COL1A2: variants seen among roughly 807,000 people sequenced by gnomAD.
The protein encoded by COL1A2 is collagen type I alpha 2 chain.
COL1A2 carries 49 observed loss-of-function variants against 174.3 expected under a neutral mutation model. The observed-to-expected ratio is 0.28, with a 90% CI of 0.22 to 0.36. The LOEUF is 0.36. Among genes scored for constraint, COL1A2 ranks in the 10% least tolerant of loss-of-function variants. COL1A2 has a pLI of 1.00. For missense variants in COL1A2, 1,438 were observed against 1,822.7 expected, an observed-to-expected ratio of 0.79 and a Z score of 3.84; for synonymous variants, 655 against 606.6, an observed-to-expected ratio of 1.08 and a Z score of -1.17.
intron 4 of COL1A2, among the ~76,000 whole-genome samples, chr7:94,399,452 T>C (rs1010548736): frequency 3.3e-5 from 5 of 152,192 alleles, no homozygotes; most frequent in Admixed American, 6.5e-5. Context: ...AGCTTGGAAA[T>C]AATAGTGAAT....
At chr7:94,429,529 G>C in intron 51 of COL1A2, 99 bp downstream of exon 51, 3 of 1,293,686 alleles carry the variant, frequency 2.3e-6, no homozygotes, top group Non-Finnish European at 3.3e-6. Context: ...GGGGTTAAAA[G>C]AACAGAAGAA....
chr7:94,423,798 T>C (rs1346684263), intron 40 of COL1A2: 1 of 166,986 alleles, frequency 6.0e-6, no homozygotes, highest in Non-Finnish European at 1.3e-5. Flanking sequence ...TTTCACCATA[T>C]TGGTCAGGCT....
Position 94,420,442 on chromosome 7 carries a change from G to A in COL1A2, c.2185G>A (p.Ala729Thr). Residue 729 changes from alanine (A) to threonine (T), a missense_variant and splice_region_variant, in exon 36 of 52, where the codon GCT (alanine) becomes ACT (threonine). Physicochemically the swap from Ala to Thr is moderately conservative, Grantham distance 58. Coordinates refer to ENST00000297268, the MANE Select transcript of COL1A2 (RefSeq NM_000089.4). ...TGGCCCCAATGGATTTGCTGGTCCT[G>A]CTGTGAGTATCACATAATGAAGATT... ...PAGPNGFAGP[A>T]GAAGQPGAKG... 6.2e-7 allele frequency: 1 copy of A among 1,614,168 alleles called. No individual in the cohort carries two copies. The highest frequency in any genetic ancestry group is 1.1e-5 in the South Asian group (1 of 91,086).
At chr7:94,426,646 C>T in intron 46 of COL1A2, 116 bp downstream of exon 46, 1 of 847,398 alleles carries the variant, frequency 1.2e-6, no homozygotes, top group Non-Finnish European at 2.0e-6. Flanking sequence ...ATCCATTTCC[C>T]ATTCTCTGGC....
intron 28 of COL1A2, 67 bp downstream of exon 28, chr7:94,414,014 GT>G: frequency 6.9e-7 from 1 of 1,443,144 alleles, no homozygotes; most frequent in Non-Finnish European, 9.8e-7. Flanking sequence ...TCACCATACC[GT>G]ACCTCTCTTC....
chr7:94,413,863 C>G, intron 27 of COL1A2, 31 bp from the exon 28 acceptor site: 1 of 1,613,268 alleles, frequency 6.2e-7, no homozygotes, highest in Non-Finnish European at 8.5e-7. Context: ...ACATACGTTG[C>G]TATTTATGCT....
intron 51 of COL1A2, chr7:94,429,634 T>C (rs1421364732): frequency 9.0e-6 from 5 of 556,654 alleles, no homozygotes; most frequent in African/African-American, 7.5e-5. Context: ...TAAATTCAGA[T>C]GATAAATTCA....
At chr7:94,428,087 T>G (rs1792319782) in intron 49 of COL1A2, among the ~76,000 whole-genome samples, 1 of 152,178 alleles carries the variant, frequency 6.6e-6, no homozygotes, top group South Asian at 2.1e-4. Flanking sequence ...CTTTTCATAG[T>G]AATAAGTACC....
rs1562905085 is a variant in COL1A2 at position 94,420,260 on chromosome 7, G to A, written c.2107G>A (p.Gly703Ser). The change falls in exon 35 of 52, where the codon GGT becomes AGT. Residue 703 changes from glycine (G) to serine (S), a missense_variant. Transcript: ENST00000297268. Reference sequence around the variant, plus strand: ...CGAAGCTGGGGCTGCTGGTCCTGCTGGTCCTGCTGGTCCTCGGGGAAGCCC... The same window carrying A: ...CGAAGCTGGGGCTGCTGGTCCTGCTAGTCCTGCTGGTCCTCGGGGAAGCCC... ...RGEAGAAGPAGPAGPRGSPGE... is the reference protein window; with the variant it reads ...RGEAGAAGPASPAGPRGSPGE... 1 of 1,613,818 alleles carries A rather than the reference G, an allele frequency of 6.2e-7. No homozygotes were observed. Among genetic ancestry groups the A allele is most frequent in the Non-Finnish European group, 8.5e-7 (1 of 1,180,042 alleles).
chr7:94,410,752 G>GGGGTTGGGTGAAGTGTTTT (rs1169889517), intron 21 of COL1A2, 137 bp from the exon 22 acceptor site: 3 of 1,005,090 alleles, frequency 3.0e-6, no homozygotes, highest in Non-Finnish European at 4.6e-6. Flanking sequence ...AATTCCTCTA[G>GGGGTTGGGTGAAGTGTTTT]GGGTTGGGTG....
Position 94,427,727 on chromosome 7 carries a change from G to C in COL1A2, c.3368G>C (p.Arg1123Pro), listed in dbSNP as rs145541630. Residue 1123 changes from arginine to proline, a missense_variant, in exon 49 of 52, where the codon CGC becomes CCC. This residue lies in a region of COL1A2 where 290 missense variants were observed against 298.1 expected (regional missense o/e 0.97). Coordinates refer to ENST00000297268, the MANE Select transcript of COL1A2 (RefSeq NM_000089.4). ...DGDFYRADQP[R>P]SAPSLRPKDY... ...GACTTCTACAGGGCTGACCAGCCTC[G>C]CTCAGCACCTTCTCTCAGACCCAAG... 8 of 1,613,922 alleles carry C rather than the reference G, an allele frequency of 5.0e-6. No individual in the cohort carries two copies. Among genetic ancestry groups the C allele is most frequent in the Non-Finnish European group, 5.9e-6 (7 of 1,180,014 alleles).
intron 29 of COL1A2, 119 bp from the exon 30 acceptor site, chr7:94,415,107 C>A: frequency 1.2e-6 from 1 of 844,314 alleles, no homozygotes; most frequent in Non-Finnish European, 2.1e-6. Flanking sequence ...TGTACTTATG[C>A]ACTCATGTAG....
chr7:94,408,669 C>A (rs1791855003), intron 15 of COL1A2, 101 bp from the exon 16 acceptor site: 1 of 1,274,256 alleles, frequency 7.8e-7, no homozygotes, highest in Non-Finnish European at 1.1e-6. Context: ...CTAATATAAA[C>A]AGTGTCATGC....
chr7:94,429,410 G>A lies in COL1A2; in HGVS notation c.3934G>A (p.Val1312Ile), dbSNP rs897815655. 6.2e-7 allele frequency: 1 copy of A among 1,614,050 alleles called. No homozygotes were observed. The highest frequency in any genetic ancestry group is 8.5e-7 in the Non-Finnish European group (1 of 1,179,990). The change falls in exon 51 of 52, where the codon GTT becomes ATT. Residue 1312 changes from valine to isoleucine, a missense_variant. Physicochemically the swap from Val to Ile is conservative, Grantham distance 29. This residue lies in a region of COL1A2 where 290 missense variants were observed against 298.1 expected (regional missense o/e 0.97). Coordinates refer to ENST00000297268, the MANE Select transcript of COL1A2 (RefSeq NM_000089.4). The stretch of plus-strand genomic sequence containing the variant: ...GGGCAACAGCAGGTTCACTTACACT[G>A]TTCTTGTAGATGGCTGCTCTGTAAG... Reference protein sequence around the residue: ...AEGNSRFTYTVLVDGCSKKTN... With the variant: ...AEGNSRFTYTILVDGCSKKTN...
At chr7:94,424,980 A>T in intron 41 of COL1A2, 137 bp from the exon 42 acceptor site, 1 of 744,392 alleles carries the variant, frequency 1.3e-6, no homozygotes. Context: ...GATACTTCTT[A>T]CCATTGTGTG....
intron 5 of COL1A2, among the ~76,000 whole-genome samples, chr7:94,401,034 G>C (rs62464620): frequency 0.32 from 48,663 of 152,022 alleles, 8,769 homozygotes; most frequent in South Asian, 0.45. Flanking sequence ...CTGTGAACTA[G>C]TTTTTAGAAG....
intron 15 of COL1A2, 139 bp from the exon 16 acceptor site, chr7:94,408,631 A>G: frequency 2.9e-6 from 3 of 1,029,720 alleles, no homozygotes; most frequent in Non-Finnish European, 4.4e-6. Context: ...CCTAACGACA[A>G]CAGACTGGTT....
intron 32 of COL1A2, among the ~76,000 whole-genome samples, chr7:94,418,274 A>C (rs1270759204): frequency 6.6e-6 from 1 of 152,182 alleles, no homozygotes; most frequent in Non-Finnish European, 1.5e-5. Context: ...GGAAATTAGA[A>C]AAGATTGTTT....
At chr7:94,429,133 T>C in intron 50 of COL1A2, 55 bp from the exon 51 acceptor site, 1 of 1,230,892 alleles carries the variant, frequency 8.1e-7, no homozygotes, top group African/African-American at 1.7e-5. Flanking sequence ...CATGTTTGAC[T>C]CTTAGTATCT....
Sources: gnomAD v4.1 joint callset for allele counts (sites outside exome capture counted in the v4.1 genomes callset) on GRCh38, gnomAD v4.1.1 for gene constraint, gnomAD v4.1.1 regional missense constraint, MANE v1.5 for transcripts, NCBI Gene and HGNC (gene_info 2026-07-23, HGNC 2026-07-21) for gene names.